BCAS3: variants seen among roughly 807,000 people sequenced by gnomAD.
BCAS3 encodes the protein BCAS3 microtubule associated cell migration factor, also known as BCAS4/BCAS3 fusion.
A neutral mutation model predicts 116.1 loss-of-function variants in BCAS3; 53 were observed. That is an observed-to-expected ratio of 0.46 (90% confidence interval 0.37 to 0.57). The LOEUF is 0.57. Among genes scored for constraint, BCAS3 ranks in the 20% least tolerant of loss-of-function variants. The pLI, the probability that BCAS3 is intolerant of heterozygous loss-of-function variation, is 0.00. For synonymous variants in BCAS3, 391 were observed against 408.2 expected, an observed-to-expected ratio of 0.96 and a Z score of 0.51; for missense variants, 917 against 1,165.4, an observed-to-expected ratio of 0.79 and a Z score of 3.10.
intron 6 of BCAS3, among the ~76,000 whole-genome samples, chr17:60,805,181 T>C (rs2048163146): frequency 6.6e-6 from 1 of 152,082 alleles, no homozygotes. Context: ...GTCTGACTTA[T>C]TTAAAGGTAG....
Position 61,357,677 on chromosome 17 carries a change from C to A in BCAS3, c.2426-10650C>A, listed in dbSNP as rs576754415. Among the ~76,000 whole-genome samples, 12 of 149,942 alleles carry A rather than the reference C, an allele frequency of 8.0e-5. No individual in the cohort carries two copies. In the East Asian group the frequency reaches 2.4e-3, roughly 30 times the overall value. ...CAGGCTGGTCTTGAACTCCTGACCT[C>A]ATTATCTACCCACCTCAGCCTCCCA... On this transcript the variant is annotated intron_variant, in intron 22 of 23. Transcript: ENST00000407086.
chr17:60,959,654 A>G (rs1290785855), intron 14 of BCAS3, among the ~76,000 whole-genome samples: 2 of 152,208 alleles, frequency 1.3e-5, no homozygotes, highest in Non-Finnish European at 2.9e-5. Flanking sequence ...TGTTCATATT[A>G]TAAAATTCAT....
At chr17:60,821,328 TCATACATACATA>T (rs113139051) in intron 7 of BCAS3, among the ~76,000 whole-genome samples, 1 of 151,566 alleles carries the variant, frequency 6.6e-6, no homozygotes, top group African/African-American at 2.4e-5. Flanking sequence ...GTGTGTGAGG[TCATACATACATA>T]CATACATACA....
chr17:60,743,873 C>T (rs1414534633), intron 5 of BCAS3, among the ~76,000 whole-genome samples: 3 of 152,226 alleles, frequency 2.0e-5, no homozygotes, highest in South Asian at 4.1e-4. Context: ...TTGTACTACC[C>T]CCACCCCTTT....
chr17:60,998,523 T>G lies in BCAS3; in HGVS notation c.1486+8288T>G, dbSNP rs1002400270. Reference sequence around the variant, plus strand: ...TCACCAACATCTGTTGTTTTTTGACTTTTTACTAATAGCCATTCTGACTGG... The same window carrying G: ...TCACCAACATCTGTTGTTTTTTGACGTTTTACTAATAGCCATTCTGACTGG... On this transcript the variant is annotated intron_variant, in intron 15 of 23. Coordinates refer to ENST00000407086, the MANE Select transcript of BCAS3 (RefSeq NM_017679.5). Among the ~76,000 whole-genome samples the G allele has an allele frequency of 3.4e-4, 52 of 152,208 alleles. 1 individual carries two copies. The highest frequency in any genetic ancestry group is 6.5e-5 in the Admixed American group (1 of 15,282).
At position 61,235,655 on chromosome 17, in the gene BCAS3, C is replaced by A. The variant is rs1372074737; in HGVS notation, c.2426-132672C>A. On this transcript the variant is annotated intron_variant, in intron 22 of 23. Coordinates refer to ENST00000407086, the MANE Select transcript of BCAS3 (RefSeq NM_017679.5). This position sits in a 1 kb window ranked among gnomAD's most constrained non-coding sequence, Gnocchi z 5.0. ...AGCCATGAAGCTTTTGACCTTTTCA[C>A]CTTTAAACTTTGTTTGAACTTGGAA... 6.6e-6 allele frequency among the ~76,000 whole-genome samples: 1 copy of A among 150,636 alleles called. No individual in the cohort carries two copies. Among genetic ancestry groups the A allele is most frequent in the Non-Finnish European group, 1.5e-5 (1 of 67,878 alleles).
At chr17:61,173,221 C>A (rs914689030) in intron 22 of BCAS3, among the ~76,000 whole-genome samples, 1 of 152,012 alleles carries the variant, frequency 6.6e-6, no homozygotes, top group East Asian at 1.9e-4. Context: ...GAGGCCAAGG[C>A]GGGAGGATCA....
chr17:60,840,942 A>G, intron 7 of BCAS3, among the ~76,000 whole-genome samples: 1 of 152,222 alleles, frequency 6.6e-6, no homozygotes, highest in East Asian at 1.9e-4. Context: ...TGTCTCAATA[A>G]AAGTGAGTTA....
At chr17:61,371,224 C>G (rs555945428) in intron 23 of BCAS3, among the ~76,000 whole-genome samples, 2 of 152,174 alleles carry the variant, frequency 1.3e-5, no homozygotes, top group African/African-American at 4.8e-5. Flanking sequence ...ATAGGTGTAG[C>G]CAGCCTTGAT....
chr17:60,700,790 A>G (rs2036279801), intron 4 of BCAS3, among the ~76,000 whole-genome samples: 4 of 152,194 alleles, frequency 2.6e-5, no homozygotes, highest in Admixed American at 2.0e-4. Context: ...GTGCTTGAAA[A>G]TTATCTATTG....
chr17:61,170,074 C>T (rs553199365), intron 22 of BCAS3, among the ~76,000 whole-genome samples: 1 of 152,008 alleles, frequency 6.6e-6, no homozygotes, highest in South Asian at 2.1e-4. Flanking sequence ...AGGCTGGTCT[C>T]GAACTCCTGA....
chr17:61,107,792 G>A (rs1694418948), intron 22 of BCAS3, among the ~76,000 whole-genome samples: 1 of 152,076 alleles, frequency 6.6e-6, no homozygotes, highest in Admixed American at 6.5e-5. Context: ...CCAGGTTATG[G>A]CTATTTCAAG....
At chr17:61,329,336 TA>T (rs1321881938) in intron 22 of BCAS3, among the ~76,000 whole-genome samples, 3 of 106,286 alleles carry the variant, frequency 2.8e-5, no homozygotes, top group African/African-American at 8.2e-5. Context: ...TTATTATTAT[TA>T]TTATTATTTT....
intron 13 of BCAS3, among the ~76,000 whole-genome samples, chr17:60,939,091 A>T (rs866582994): frequency 2.0e-5 from 3 of 152,188 alleles, no homozygotes; most frequent in Non-Finnish European, 2.9e-5. Flanking sequence ...GTCCACATGG[A>T]GACTAGTATT....
At chr17:60,727,406 T>C (rs2144135853) in intron 5 of BCAS3, 6 of 1,607,182 alleles carry the variant, frequency 3.7e-6, no homozygotes, top group Non-Finnish European at 5.1e-6. Context: ...CTTGCTCTTA[T>C]ACTGTGTCAC....
chr17:60,737,546 C>T (rs1356172634), intron 5 of BCAS3, among the ~76,000 whole-genome samples: 1 of 151,952 alleles, frequency 6.6e-6, no homozygotes, highest in Non-Finnish European at 1.5e-5. Context: ...ACAGATTTCC[C>T]TCTATGCACT....
At chr17:60,935,375 G>A (rs538503207) in intron 13 of BCAS3, among the ~76,000 whole-genome samples, 1 of 152,164 alleles carries the variant, frequency 6.6e-6, no homozygotes, top group South Asian at 2.1e-4. Flanking sequence ...AATTGATATA[G>A]TAATTAAAAA....
At chr17:61,045,684 C>T (rs760973819) in intron 19 of BCAS3, among the ~76,000 whole-genome samples, 1 of 143,280 alleles carries the variant, frequency 7.0e-6, no homozygotes, top group Admixed American at 7.4e-5. Context: ...GGTGTGGTGG[C>T]GCGCACCTGT....
intron 22 of BCAS3, among the ~76,000 whole-genome samples, chr17:61,108,178 C>G (rs1198935202): frequency 6.6e-6 from 1 of 152,132 alleles, no homozygotes; most frequent in Non-Finnish European, 1.5e-5. Context: ...TTTCTCTTAT[C>G]TGGTAATTTT....
Sources: allele counts gnomAD v4.1 joint callset (sites outside exome capture counted in the v4.1 genomes callset), GRCh38; gene constraint gnomAD v4.1.1; non-coding constraint Gnocchi (gnomAD v3.1); transcripts MANE v1.5; gene names NCBI Gene and HGNC (gene_info 2026-07-23, HGNC 2026-07-21).